TEK: variants seen among roughly 807,000 people sequenced by gnomAD.
The protein encoded by TEK is TEK receptor tyrosine kinase.
Under a neutral mutation model 131.8 loss-of-function variants are expected in TEK, and 43 were observed. The ratio of observed to expected loss-of-function variants is 0.33; its 90% CI spans 0.26 to 0.42. The LOEUF (loss-of-function observed/expected upper bound fraction) is 0.42. Ranked by LOEUF, TEK falls within the 10% of genes least tolerant of loss-of-function variation. The pLI is 1.00. For synonymous variants in TEK, 580 were observed against 491.6 expected, an observed-to-expected ratio of 1.18 and a Z score of -2.38; for missense variants, 1,162 against 1,384.4, an observed-to-expected ratio of 0.84 and a Z score of 2.55.
chr9:27,177,609 G>T (rs1334840153), intron 6 of TEK, among the ~76,000 whole-genome samples: 1 of 152,198 alleles, frequency 6.6e-6, no homozygotes, highest in Non-Finnish European at 1.5e-5. Flanking sequence ...AATTAGTCAG[G>T]CACGGTGGTG....
intron 1 of TEK, among the ~76,000 whole-genome samples, chr9:27,143,897 T>C (rs1366838465): frequency 6.6e-6 from 1 of 152,036 alleles, no homozygotes; most frequent in African/African-American, 2.4e-5. Context: ...ATGAGCCAAG[T>C]CTTGAAGGCT....
intron 1 of TEK, among the ~76,000 whole-genome samples, chr9:27,138,250 T>G (rs1241218022): frequency 6.6e-6 from 1 of 152,248 alleles, no homozygotes; most frequent in East Asian, 1.9e-4. Flanking sequence ...TTGCCGCTGC[T>G]GGCTCAGGTG....
chr9:27,188,920 G>C (rs1245757651), intron 9 of TEK, among the ~76,000 whole-genome samples: 1 of 152,134 alleles, frequency 6.6e-6, no homozygotes, highest in Non-Finnish European at 1.5e-5. Flanking sequence ...GAGAATGCTG[G>C]GGCAGGGCTG....
At chr9:27,143,192 G>A (rs1297710540) in intron 1 of TEK, among the ~76,000 whole-genome samples, 1 of 152,196 alleles carries the variant, frequency 6.6e-6, no homozygotes, top group Non-Finnish European at 1.5e-5. Context: ...AAAGCACCAG[G>A]GGAGGGAGCG....
chr9:27,133,661 AT>A, intron 1 of TEK, among the ~76,000 whole-genome samples: 1 of 152,152 alleles, frequency 6.6e-6, no homozygotes, highest in South Asian at 2.1e-4. Flanking sequence ...TACTTGCTTT[AT>A]GGAGCTCGAG....
intron 2 of TEK, among the ~76,000 whole-genome samples, chr9:27,161,388 T>G (rs545495561): frequency 6.6e-6 from 1 of 152,374 alleles, no homozygotes; most frequent in East Asian, 1.9e-4. Context: ...CAAAATTGTT[T>G]TGTTTTAAAT....
At position 27,159,302 on chromosome 9, in the gene TEK, C is replaced by T. The variant is rs908872239; in HGVS notation, c.364+1160C>T. On this transcript the variant is annotated intron_variant, in intron 2 of 22. Transcript: ENST00000380036. Reference sequence around the variant, plus strand: ...ACATTTCATGTACATGAGATGTAGACATGAGGCTCTTTGCAACCTAGGCTC... The same window carrying T: ...ACATTTCATGTACATGAGATGTAGATATGAGGCTCTTTGCAACCTAGGCTC... 3.9e-5 allele frequency among the ~76,000 whole-genome samples: 6 copies of T among 152,162 alleles called. 1 individual carries two copies. The highest frequency in any genetic ancestry group is 9.7e-5 in the African/African-American group (4 of 41,428).
intron 1 of TEK, among the ~76,000 whole-genome samples, chr9:27,144,588 T>G (rs796069278): frequency 1.1e-4 from 17 of 152,342 alleles, no homozygotes; most frequent in Admixed American, 3.3e-4. Context: ...ATCTGTCGTT[T>G]GGAAGCACAC....
At chr9:27,125,136 T>C (rs1403856514) in intron 1 of TEK, among the ~76,000 whole-genome samples, 1 of 152,194 alleles carries the variant, frequency 6.6e-6, no homozygotes. Context: ...GCAGTGCTTT[T>C]CACACAAACC....
Position 27,190,540 on chromosome 9 carries a change from C to T in TEK, c.1339C>T (p.Pro447Ser), listed in dbSNP as rs753410363. 5 of 1,613,876 alleles carry T rather than the reference C, an allele frequency of 3.1e-6. No homozygotes were observed. The highest frequency in any genetic ancestry group is 4.2e-6 in the Non-Finnish European group (5 of 1,179,908). Residue 447 changes from proline to serine, a missense_variant, in exon 10 of 23, where the codon CCC (proline) becomes TCC (serine). Coordinates refer to ENST00000380036, the MANE Select transcript of TEK (RefSeq NM_000459.5). ...GAAATTGTATTTAGTTCTTCCAAAGCCCCTGAATGCCCCAAACGTGATTGA... is the reference window on the plus strand; with the variant it reads ...GAAATTGTATTTAGTTCTTCCAAAGTCCCTGAATGCCCCAAACGTGATTGA... ...FNISVKVLPK[P>S]LNAPNVIDTG...
At chr9:27,127,141 T>C (rs1298429871) in intron 1 of TEK, among the ~76,000 whole-genome samples, 1 of 152,086 alleles carries the variant, frequency 6.6e-6, no homozygotes, top group African/African-American at 2.4e-5. Flanking sequence ...CCCAATCCCC[T>C]GACAGGTCCC....
chr9:27,211,128 A>T (rs13291204), intron 16 of TEK, among the ~76,000 whole-genome samples: 2,171 of 123,320 alleles, frequency 0.018, 25 homozygotes, highest in African/African-American at 0.038. Context: ...TTTAAAAAAA[A>T]ATATATATAT....
chr9:27,143,577 T>C lies in TEK; in HGVS notation c.53-14254T>C, dbSNP rs78857771. 4.1e-3 allele frequency among the ~76,000 whole-genome samples: 629 copies of C among 152,334 alleles called. 3 individuals carry two copies. Among genetic ancestry groups the C allele is most frequent in the African/African-American group, 0.014 (599 of 41,570 alleles). On this transcript the variant is annotated intron_variant, in intron 1 of 22. Coordinates refer to ENST00000380036, the MANE Select transcript of TEK (RefSeq NM_000459.5). ...ATGACCAGAATATCTGATTTGAACA[T>C]TTAATGAAATTGCCTCTCTGGCTTT...
At chr9:27,145,715 C>T (rs530621092) in intron 1 of TEK, among the ~76,000 whole-genome samples, 44 of 152,260 alleles carry the variant, frequency 2.9e-4, no homozygotes, top group African/African-American at 4.8e-4. Flanking sequence ...TAGAATTGTT[C>T]CAGTTCAACT....
chr9:27,121,001 ACTAG>A (rs1362857048), intron 1 of TEK, among the ~76,000 whole-genome samples: 1 of 152,234 alleles, frequency 6.6e-6, no homozygotes, highest in East Asian at 1.9e-4. Flanking sequence ...GACTTGATGT[ACTAG>A]CTGACGAAGA....
intron 6 of TEK, among the ~76,000 whole-genome samples, chr9:27,178,974 C>T (rs906340506): frequency 6.6e-6 from 1 of 152,200 alleles, no homozygotes; most frequent in Admixed American, 6.5e-5. Flanking sequence ...AAGGGCTTAA[C>T]AAATTTTTGA....
Position 27,213,591 on chromosome 9 carries a change from G to A in TEK, c.2985G>A (p.Lys995=). 1 of 1,611,724 alleles carries A rather than the reference G, an allele frequency of 6.2e-7. No individual in the cohort carries two copies. Residue 995 remains lysine, a synonymous_variant, in exon 18 of 23, where the codon AAG becomes AAA. Coordinates refer to ENST00000380036, the MANE Select transcript of TEK (RefSeq NM_000459.5). ...GAGGTCAAGAGGTGTATGTGAAAAA[G>A]ACAATGGTAAGTGCCAGACACAGAC... ...LSRGQEVYVK[K]TMGRLPVRWM... is the part of the protein sequence containing the mutation.
intron 1 of TEK, among the ~76,000 whole-genome samples, chr9:27,123,637 AGTATCACGTGGAGCTAAT>A (rs1821882389): frequency 6.6e-6 from 1 of 152,304 alleles, no homozygotes; most frequent in Non-Finnish European, 1.5e-5. Flanking sequence ...ATTGTTTTTG[AGTATCACGTGGAGCTAAT>A]GTTCTATATT....
At chr9:27,127,484 T>C (rs1261253038) in intron 1 of TEK, among the ~76,000 whole-genome samples, 1 of 152,278 alleles carries the variant, frequency 6.6e-6, no homozygotes, top group Non-Finnish European at 1.5e-5. Flanking sequence ...TTTGGGTGTA[T>C]ACCCAGTAAT....
Sources: allele counts gnomAD v4.1 joint callset (sites outside exome capture counted in the v4.1 genomes callset), GRCh38; gene constraint gnomAD v4.1.1; transcripts MANE v1.5; gene names NCBI Gene and HGNC (gene_info 2026-07-23, HGNC 2026-07-21).